DDX10: variants seen among roughly 807,000 people sequenced by gnomAD.
The protein encoded by DDX10 is probable ATP-dependent RNA helicase DDX10.
In DDX10, 74 loss-of-function variants were observed where a neutral mutation model predicts 104.3. That is an observed-to-expected ratio of 0.71 (90% confidence interval 0.59 to 0.86). The LOEUF is 0.86. Ranked by LOEUF, DDX10 falls within the 40% of genes least tolerant of loss-of-function variation. The pLI is 0.00. For missense variants in DDX10, 952 were observed against 1,040.0 expected, an observed-to-expected ratio of 0.92 and a Z score of 1.16; for synonymous variants, 351 against 353.4, an observed-to-expected ratio of 0.99 and a Z score of 0.08.
Position 108,783,788 on chromosome 11 carries a change from G to A in DDX10, c.1966-54658G>A, listed in dbSNP as rs1404157951. On this transcript the variant is annotated intron_variant, in intron 13 of 17. Coordinates refer to ENST00000322536, the MANE Select transcript of DDX10 (RefSeq NM_004398.4). Reference sequence around the variant, plus strand: ...ATGATCCTGTCAGATAGTGAGCATAGTACCCAATAAGTGCACGCCCCTTTT... The same window carrying A: ...ATGATCCTGTCAGATAGTGAGCATAATACCCAATAAGTGCACGCCCCTTTT... Among the ~76,000 whole-genome samples, 7 of 152,134 alleles carry A rather than the reference G, an allele frequency of 4.6e-5. No homozygotes were observed. The East Asian group carries it at 1.3e-3, about 29-fold the overall frequency.
intron 13 of DDX10, among the ~76,000 whole-genome samples, chr11:108,798,780 G>A (rs1861980332): frequency 6.6e-6 from 1 of 151,960 alleles, no homozygotes; most frequent in African/African-American, 2.4e-5. Context: ...AGATTTTGGG[G>A]CTTCTTAAGT....
At chr11:108,913,479 C>T (rs958685069) in intron 16 of DDX10, among the ~76,000 whole-genome samples, 15 of 152,188 alleles carry the variant, frequency 9.9e-5, no homozygotes, top group African/African-American at 2.9e-4. Context: ...CTCACATGAG[C>T]AGAGGGATGA....
At chr11:108,684,138 GTTCT>G (rs1315569600) in intron 6 of DDX10, among the ~76,000 whole-genome samples, 1 of 12,094 alleles carries the variant, frequency 8.3e-5, no homozygotes, top group Non-Finnish European at 2.1e-4. Flanking sequence ...TCTATTTCCA[GTTCT>G]TTTTTTTTTT....
chr11:108,837,192 C>T (rs1281187156), intron 13 of DDX10, among the ~76,000 whole-genome samples: 2 of 152,148 alleles, frequency 1.3e-5, no homozygotes, highest in Non-Finnish European at 2.9e-5. Context: ...CATTGGTGTC[C>T]TCAACTTACA....
intron 16 of DDX10, among the ~76,000 whole-genome samples, chr11:108,875,536 A>G (rs1017880410): frequency 1.3e-5 from 2 of 152,190 alleles, no homozygotes; most frequent in African/African-American, 2.4e-5. Flanking sequence ...TCTCATCAGA[A>G]TGCCTTTTGT....
At chr11:108,937,462 A>G (rs1411087370) in intron 17 of DDX10, among the ~76,000 whole-genome samples, 1 of 152,232 alleles carries the variant, frequency 6.6e-6, no homozygotes, top group African/African-American at 2.4e-5. Context: ...TTAAAACTCA[A>G]TTACAAATAA....
At chr11:108,799,892 A>G (rs73009351) in intron 13 of DDX10, among the ~76,000 whole-genome samples, 2,868 of 152,202 alleles carry the variant, frequency 0.019, 49 homozygotes, top group Middle Eastern at 0.071. Flanking sequence ...TCAGCATGAC[A>G]TAGTTCTAGT....
intron 13 of DDX10, among the ~76,000 whole-genome samples, chr11:108,742,522 G>A (rs1309976278): frequency 5.9e-5 from 9 of 152,250 alleles, no homozygotes; most frequent in African/African-American, 2.2e-4. Flanking sequence ...CTAAGATCGC[G>A]CCATTGCATG....
chr11:108,699,067 T>G (rs1041642044), intron 9 of DDX10, among the ~76,000 whole-genome samples: 3 of 152,200 alleles, frequency 2.0e-5, no homozygotes, highest in African/African-American at 7.2e-5. Context: ...TTAGTATATT[T>G]TTACATTGCT....
intron 16 of DDX10, among the ~76,000 whole-genome samples, chr11:108,861,872 A>G (rs550526947): frequency 4.6e-5 from 7 of 152,154 alleles, no homozygotes; most frequent in Non-Finnish European, 8.8e-5. Context: ...AAAATACAAA[A>G]GAAATTAGCT....
At chr11:108,694,117 C>T (rs754251043) in intron 9 of DDX10, among the ~76,000 whole-genome samples, 1 of 152,154 alleles carries the variant, frequency 6.6e-6, no homozygotes, top group African/African-American at 2.4e-5. Context: ...TATCAGGCTA[C>T]TCAGAAGGGT....
At chr11:108,879,626 T>C (rs1207171302) in intron 16 of DDX10, among the ~76,000 whole-genome samples, 2 of 152,140 alleles carry the variant, frequency 1.3e-5, no homozygotes, top group Admixed American at 6.5e-5. Flanking sequence ...AAGACAAAGG[T>C]CCTTTATTTC....
chr11:108,746,273 G>T (rs889709342), intron 13 of DDX10, among the ~76,000 whole-genome samples: 1 of 151,342 alleles, frequency 6.6e-6, no homozygotes, highest in African/African-American at 2.4e-5. Flanking sequence ...ATTTCCTAAG[G>T]AATGACTTCA....
intron 16 of DDX10, among the ~76,000 whole-genome samples, chr11:108,892,521 GAT>G (rs1863390189): frequency 6.6e-6 from 1 of 152,010 alleles, no homozygotes; most frequent in Non-Finnish European, 1.5e-5. Context: ...CTCATTTGTT[GAT>G]GTTTTTCTTC....
chr11:108,671,600 A>G (rs1486732887), intron 1 of DDX10, among the ~76,000 whole-genome samples: 1 of 152,196 alleles, frequency 6.6e-6, no homozygotes, highest in African/African-American at 2.4e-5. Context: ...GTTAGGCTTT[A>G]TGGTCCATAC....
chr11:108,868,473 AATG>A (rs1378009582), intron 16 of DDX10: 1 of 152,052 alleles, frequency 6.6e-6, no homozygotes, highest in African/African-American at 2.4e-5. Context: ...AATTTCACAA[AATG>A]ATAACTTACC....
chr11:108,698,874 T>G (rs1221988751), intron 9 of DDX10, among the ~76,000 whole-genome samples: 1 of 152,262 alleles, frequency 6.6e-6, no homozygotes, highest in Admixed American at 6.5e-5. Context: ...TTCTTTTATG[T>G]GCCAGGCGTG....
chr11:108,762,851 C>G (rs934784799), intron 13 of DDX10, among the ~76,000 whole-genome samples: 9 of 152,078 alleles, frequency 5.9e-5, no homozygotes, highest in African/African-American at 2.2e-4. Context: ...TCCTTCTTTC[C>G]TTTCTCGGAC....
Position 108,868,837 on chromosome 11 carries a change from G to A in DDX10, c.2304+16628G>A, listed in dbSNP as rs769982146. 5.9e-5 allele frequency among the ~76,000 whole-genome samples: 9 copies of A among 152,076 alleles called. No individual in the cohort carries two copies. In the South Asian group the frequency reaches 1.2e-3, roughly 21 times the overall value. On this transcript the variant is annotated intron_variant, in intron 16 of 17. Transcript: ENST00000322536. ...CTAGCAGTTTGTGAATAACTTTCAC[G>A]TATGTTATTTAATTCATTACCCATA...
Sources: gnomAD v4.1 joint callset for allele counts (sites outside exome capture counted in the v4.1 genomes callset) on GRCh38, gnomAD v4.1.1 for gene constraint, MANE v1.5 for transcripts, NCBI Gene and HGNC (gene_info 2026-07-23, HGNC 2026-07-21) for gene names.